GLIPR1: variants seen among roughly 807,000 people sequenced by gnomAD.
The protein encoded by GLIPR1 is glioma pathogenesis-related protein 1.
A neutral mutation model predicts 30.3 loss-of-function variants in GLIPR1; 38 were observed. The observed-to-expected ratio is 1.26, with a 90% CI of 0.97 to 1.65. The LOEUF (loss-of-function observed/expected upper bound fraction) is 1.65, where lower values mean the gene tolerates loss of function less well. GLIPR1 is among the 40% of genes most tolerant of loss of function. The pLI is 0.00. For missense variants in GLIPR1, 285 were observed against 326.5 expected (o/e 0.87, Z 0.98); for synonymous variants, 122 against 110.6 (o/e 1.10, Z -0.65).
At chr12:75,490,262 C>A in intron 2 of GLIPR1, 144 bp from the exon 3 acceptor site, 1 of 573,732 alleles carries the variant, frequency 1.7e-6, no homozygotes, top group Non-Finnish European at 3.1e-6. Flanking sequence ...CAGGTCTATC[C>A]AGCTGATTTC....
Position 75,498,949 on chromosome 12 carries a change from A to AAGTACCCTAATTTAGTTCT in GLIPR1, c.773_791dup (p.Leu265ValfsTer3), listed in dbSNP as rs754959838. On this transcript the variant is annotated frameshift_variant, in exon 6 of 6. Coordinates refer to ENST00000266659, the MANE Select transcript of GLIPR1 (RefSeq NM_006851.3). LOFTEE classifies it high-confidence loss of function. ...TATAATTACCATTTTGGTACAGCACAAGTACCCTAATTTAGTTCTTTTGGA... is the reference window on the plus strand; with the variant it reads ...TATAATTACCATTTTGGTACAGCACAAGTACCCTAATTTAGTTCTAGTACCCTAATTTAGTTCTTTTGGA... 1 of 1,604,258 alleles carries AAGTACCCTAATTTAGTTCT rather than the reference A, an allele frequency of 6.2e-7. No homozygotes were observed. The highest frequency in any genetic ancestry group is 1.7e-5 in the Admixed American group (1 of 58,364).
Position 75,502,096 on chromosome 12 carries a change from G to A in GLIPR1, c.*3118G>A. 1.3e-5 allele frequency: 12 copies of A among 919,838 alleles called. No homozygotes were observed. The highest frequency in any genetic ancestry group is 7.1e-5 in the South Asian group (5 of 70,056). The allele number at this position is 919,838 out of a possible 1,614,324, so 57.0% of individuals were successfully genotyped here. ...AATATCCTTAGGGTAAAAACAATGG[G>A]GTCAAACTGATTTATTAATAAAAAT... On this transcript the variant is annotated 3_prime_UTR_variant, in exon 6 of 6. Coordinates refer to ENST00000266659, the MANE Select transcript of GLIPR1 (RefSeq NM_006851.3).
intron 2 of GLIPR1, among the ~76,000 whole-genome samples, chr12:75,487,342 T>C (rs541785421): frequency 6.6e-6 from 1 of 152,202 alleles, no homozygotes; most frequent in Non-Finnish European, 1.5e-5. Flanking sequence ...TAGAATAAAA[T>C]TAAGAAATTT....
Position 75,501,835 on chromosome 12 carries a change from A to T in GLIPR1, c.*2857A>T, listed in dbSNP as rs1224165641. ...GTTTAGCCTACATTAATAAATAAAA[A>T]ATATATCAGTTAAATGTATTTATAG... On this transcript the variant is annotated 3_prime_UTR_variant, in exon 6 of 6. Transcript: ENST00000266659. The T allele has an allele frequency of 6.3e-7, 1 of 1,577,448 alleles. No individual in the cohort carries two copies. Among genetic ancestry groups the T allele is most frequent in the Non-Finnish European group, 8.6e-7 (1 of 1,156,336 alleles).
intron 2 of GLIPR1, among the ~76,000 whole-genome samples, chr12:75,490,187 ATCTT>A (rs2046313115): frequency 8.4e-6 from 1 of 119,200 alleles, no homozygotes; most frequent in African/African-American, 3.3e-5. Context: ...GTCAAAAATT[ATCTT>A]ATTTCACACA....
intron 2 of GLIPR1, among the ~76,000 whole-genome samples, chr12:75,485,850 T>C (rs972265392): frequency 6.6e-6 from 1 of 152,190 alleles, no homozygotes; most frequent in Non-Finnish European, 1.5e-5. Context: ...ATGTGACCTG[T>C]TTCACAATTT....
At chr12:75,486,985 T>A (rs1414733119) in intron 2 of GLIPR1, among the ~76,000 whole-genome samples, 6 of 152,092 alleles carry the variant, frequency 3.9e-5, no homozygotes, top group Admixed American at 3.9e-4. Context: ...ACCTGACTTT[T>A]AAAAAAAGAG....
rs1201510151 is a variant in GLIPR1, at chr12:75,498,824, G to C, written c.647G>C (p.Arg216Pro). 3.1e-6 allele frequency: 5 copies of C among 1,611,830 alleles called. No homozygotes were observed. Among genetic ancestry groups the C allele is most frequent in the Non-Finnish European group, 4.2e-6 (5 of 1,178,458 alleles). The change falls in exon 6 of 6, where the codon CGT (arginine) becomes CCT (proline). Residue 216 changes from arginine to proline, a missense_variant and splice_region_variant. Transcript: ENST00000266659. ...CVNRQRDQVK[R>P]YYSVVYPGWP... Reference sequence around the variant, plus strand: ...AGGATATTCTATGTTTGTTTCACAGGTTACTACTCTGTTGTATATCCAGGC... The same window carrying C: ...AGGATATTCTATGTTTGTTTCACAGCTTACTACTCTGTTGTATATCCAGGC...
chr12:75,489,926 T>A (rs2046311824), intron 2 of GLIPR1: 1 of 155,090 alleles, frequency 6.4e-6, no homozygotes, highest in Non-Finnish European at 1.4e-5. Flanking sequence ...AGATCTTGGC[T>A]TCACTTGCTT....
Position 75,501,638 on chromosome 12 carries a change from C to CTGTT in GLIPR1, c.*2662_*2665dup. The stretch of plus-strand genomic sequence containing the variant: ...TAAGAGAACTGATGAAAAGATACAA[C>CTGTT]TGTTTCTTAAAAAGATTCAGACAAA... On this transcript the variant is annotated 3_prime_UTR_variant, in exon 6 of 6. Transcript: ENST00000266659. The CTGTT allele has an allele frequency of 2.4e-6, 2 of 846,336 alleles. No individual in the cohort carries two copies. Among genetic ancestry groups the CTGTT allele is most frequent in the East Asian group, 2.6e-5 (1 of 38,626 alleles). The allele number at this position is 846,336 out of a possible 1,614,324, so 52.4% of individuals were successfully genotyped here.
At position 75,501,106 on chromosome 12, in the gene GLIPR1, A is replaced by G. The variant is rs2046390835; in HGVS notation, c.*2128A>G. ...TTTGGAGGGTTACTTTAGGAAGAGG[A>G]TAAGTGTTACCACAGGGGAAAAAAA... On this transcript the variant is annotated 3_prime_UTR_variant, in exon 6 of 6. Coordinates refer to ENST00000266659, the MANE Select transcript of GLIPR1 (RefSeq NM_006851.3). The G allele has an allele frequency of 1.3e-5, 2 of 152,240 alleles. No individual in the cohort carries two copies. Among genetic ancestry groups the G allele is most frequent in the Admixed American group, 6.6e-5 (1 of 15,252 alleles). 9.4% of individuals were successfully genotyped at this position (152,240 alleles called of 1,614,324 possible).
intron 3 of GLIPR1, chr12:75,494,392 A>G (rs1221086820): frequency 6.6e-6 from 1 of 152,212 alleles, no homozygotes; most frequent in East Asian, 1.9e-4. Context: ...TAGCAGTATC[A>G]TCTTTGTAAA....
chr12:75,481,986 T>C lies in GLIPR1; in HGVS notation c.327T>C (p.Ser109=), dbSNP rs373244879. The C allele has an allele frequency of 6.2e-6, 10 of 1,614,154 alleles. No individual in the cohort carries two copies. Among genetic ancestry groups the C allele is most frequent in the Non-Finnish European group, 8.5e-6 (10 of 1,180,022 alleles). Residue 109 remains serine, a synonymous_variant, in exon 2 of 6, where the codon TCT becomes TCC. Coordinates refer to ENST00000266659, the MANE Select transcript of GLIPR1 (RefSeq NM_006851.3). The stretch of plus-strand genomic sequence containing the variant: ...GGACTGGGTCTGTGCCCATTTTTTC[T>C]GTGTCTTCCGCCATCACAAACTGGT... ...NIWTGSVPIF[S]VSSAITNWYD... is the part of the protein sequence containing the mutation.
intron 4 of GLIPR1, 117 bp from the exon 5 acceptor site, chr12:75,498,577 T>C: frequency 2.7e-6 from 2 of 750,004 alleles, no homozygotes; most frequent in Non-Finnish European, 2.2e-6. Flanking sequence ...GGAAAGTCAC[T>C]GCAATAAAGC....
At position 75,503,590 on chromosome 12, in the gene GLIPR1, T is replaced by C. The variant is rs1172931599; in HGVS notation, c.*4612T>C. 3 of 188,630 alleles carry C rather than the reference T, an allele frequency of 1.6e-5. No individual in the cohort carries two copies. The East Asian group carries it at 3.8e-4, about 24-fold the overall frequency. 11.7% of individuals were successfully genotyped at this position (188,630 alleles called of 1,614,324 possible). A position where few individuals can be genotyped will look rare whatever the true frequency, so the allele number is the denominator to read the frequency against. Reference sequence around the variant, plus strand: ...ACAACCATAGAGCACACAGTCACAATAATGTTGCCAAATCAGAGAAAAGAG... The same window carrying C: ...ACAACCATAGAGCACACAGTCACAACAATGTTGCCAAATCAGAGAAAAGAG... On this transcript the variant is annotated 3_prime_UTR_variant, in exon 6 of 6. Coordinates refer to ENST00000266659, the MANE Select transcript of GLIPR1 (RefSeq NM_006851.3).
chr12:75,502,021 A>AATT lies in GLIPR1; in HGVS notation c.*3045_*3047dup, dbSNP rs1399150541. The AATT allele has an allele frequency of 6.3e-7, 1 of 1,584,710 alleles. No homozygotes were observed. Among genetic ancestry groups the AATT allele is most frequent in the Non-Finnish European group, 8.6e-7 (1 of 1,159,002 alleles). The stretch of plus-strand genomic sequence containing the variant: ...TCGATCTGTTGAAAACGGTATTTAC[A>AATT]ATTACATCAGAAATAATGTAGAGGA... On this transcript the variant is annotated 3_prime_UTR_variant, in exon 6 of 6. Transcript: ENST00000266659.
Position 75,501,873 on chromosome 12 carries a change from A to T in GLIPR1, c.*2895A>T, listed in dbSNP as rs112980611. On this transcript the variant is annotated 3_prime_UTR_variant, in exon 6 of 6. Transcript: ENST00000266659. ...AATGTATTTATAGTTAAATAATTCA[A>T]GTATCTATGAACTTTGCTATTCATG... The T allele has an allele frequency of 3.0e-5, 47 of 1,583,750 alleles. No individual in the cohort carries two copies. The highest frequency in any genetic ancestry group is 4.1e-5 in the Non-Finnish European group (47 of 1,158,544).
At chr12:75,490,135 A>T (rs567658244) in intron 2 of GLIPR1, among the ~76,000 whole-genome samples, 1 of 150,894 alleles carries the variant, frequency 6.6e-6, no homozygotes, top group South Asian at 2.1e-4. Flanking sequence ...CTTGCCAGCA[A>T]TCACTCCCTA....
intron 2 of GLIPR1, among the ~76,000 whole-genome samples, chr12:75,488,601 C>G (rs568608601): frequency 4.8e-4 from 73 of 152,250 alleles, no homozygotes; most frequent in Non-Finnish European, 8.7e-4. Flanking sequence ...TGGAGTTGCT[C>G]TAGTTCAAAC....
Sources: allele counts gnomAD v4.1 joint callset (sites outside exome capture counted in the v4.1 genomes callset), GRCh38; gene constraint gnomAD v4.1.1; transcripts MANE v1.5; gene names NCBI Gene and HGNC (gene_info 2026-07-23, HGNC 2026-07-21).